Variants in CCDC51 observed in about 807,000 individuals in gnomAD.
CCDC51 encodes the protein mitochondrial potassium channel.
A neutral mutation model predicts 24.8 loss-of-function variants in CCDC51; 25 were observed. The ratio of observed to expected loss-of-function variants is 1.01; its 90% CI spans 0.73 to 1.41. The LOEUF is 1.41. CCDC51 is among the 40% of genes most tolerant of loss of function. The probability of loss-of-function intolerance (pLI) is 0.00; values close to 1 mark genes in which losing one functional copy is unlikely to be tolerated. For missense variants in CCDC51, 466 were observed against 519.1 expected (o/e 0.90, Z 0.99); for synonymous variants, 190 against 204.3 (o/e 0.93, Z 0.60).
At chr3:48,439,719 T>C (rs2039495204) in intron 1 of CCDC51, among the ~76,000 whole-genome samples, 1 of 152,210 alleles carries the variant, frequency 6.6e-6, no homozygotes, top group South Asian at 2.1e-4. Flanking sequence ...AGTTTTACTA[T>C]ATTAACAGAG....
In CCDC51 at chr3:48,433,953, C is replaced by T; in HGVS notation, c.313-82G>A. On this transcript the variant is annotated intron_variant, in intron 2 of 3. Coordinates refer to ENST00000395694, the MANE Select transcript of CCDC51 (RefSeq NM_001256964.2). This position sits in a 1 kb window ranked among gnomAD's most constrained non-coding sequence, Gnocchi z 4.4. Reference sequence around the variant, plus strand: ...AGCTGCATTCCCAGCAAGGCATTCCCAGAAGAGGTCACTGGGGTGTGAGCT... The same window carrying T: ...AGCTGCATTCCCAGCAAGGCATTCCTAGAAGAGGTCACTGGGGTGTGAGCT... 2 of 1,538,030 alleles carry T rather than the reference C, an allele frequency of 1.3e-6. No individual in the cohort carries two copies. Among genetic ancestry groups the T allele is most frequent in the Admixed American group, 1.9e-5 (1 of 51,650 alleles).
At chr3:48,439,567 G>A (rs1322502507) in intron 1 of CCDC51, among the ~76,000 whole-genome samples, 1 of 152,090 alleles carries the variant, frequency 6.6e-6, no homozygotes, top group Admixed American at 6.6e-5. Flanking sequence ...AGGAAGCAGA[G>A]GTTGCAGTGA....
chr3:48,441,010 TTTTTGTTTTG>T (rs747987196), upstream of CCDC51: 42 of 270,172 alleles, frequency 1.6e-4, 1 homozygote, highest in East Asian at 3.1e-3. Flanking sequence ...CTTAGAAGTT[TTTTTGTTTTG>T]TTTTGTTTTG....
chr3:48,432,320 C>T lies in CCDC51; in HGVS notation c.*88G>A. The T allele has an allele frequency of 6.6e-7, 1 of 1,517,966 alleles. No individual in the cohort carries two copies. Among genetic ancestry groups the T allele is most frequent in the Non-Finnish European group, 9.0e-7 (1 of 1,115,540 alleles). The allele number at this position is 1,517,966 out of a possible 1,614,324, so 94.0% of individuals were successfully genotyped here. On this transcript the variant is annotated 3_prime_UTR_variant, in exon 4 of 4. Transcript: ENST00000395694. ...CCTTCAGATTGAGGTTGTACATGCC[C>T]CCAAAGGCTCGCTTCATTGCTACGA...
At position 48,434,834 on chromosome 3, in the gene CCDC51, G is replaced by C. The variant is rs1183543473; in HGVS notation, c.295C>G (p.Gln99Glu). The stretch of plus-strand genomic sequence containing the variant: ...CTCCTCACCTCTGTCACCTTTCCCT[G>C]GGCCTCTCGAACCTCGTTGAGTCCA... The part of the protein sequence containing the change: ...FVGLNEVREA[Q>E]GKVTEAEKVF... Residue 99 changes from glutamine to glutamate, a missense_variant, in exon 2 of 4, where the codon CAG becomes GAG. By Grantham distance (29) the Gln-to-Glu change is conservative. Coordinates refer to ENST00000395694, the MANE Select transcript of CCDC51 (RefSeq NM_001256964.2). 1.2e-6 allele frequency: 2 copies of C among 1,604,400 alleles called. No homozygotes were observed. Among genetic ancestry groups the C allele is most frequent in the Non-Finnish European group, 1.7e-6 (2 of 1,173,752 alleles).
chr3:48,432,206 G>C lies in CCDC51; in HGVS notation c.*202C>G. ...AATAAAACTCAGGATATTTTAATTG[G>C]ACATTAGCACAAAGTTTTGATAATT... On this transcript the variant is annotated 3_prime_UTR_variant, in exon 4 of 4. Transcript: ENST00000395694. The C allele has an allele frequency of 3.5e-6, 2 of 575,240 alleles. No homozygotes were observed. Among genetic ancestry groups the C allele is most frequent in the South Asian group, 5.0e-5 (2 of 40,288 alleles). 35.6% of individuals were successfully genotyped at this position (575,240 alleles called of 1,614,324 possible).
rs1163979406 is a variant in CCDC51, at chr3:48,433,205, C to A, written c.478-39G>T. The A allele has an allele frequency of 1.9e-6, 3 of 1,587,864 alleles. No homozygotes were observed. Among genetic ancestry groups the A allele is most frequent in the African/African-American group, 1.3e-5 (1 of 74,484 alleles). On this transcript the variant is annotated intron_variant, in intron 3 of 3. Coordinates refer to ENST00000395694, the MANE Select transcript of CCDC51 (RefSeq NM_001256964.2). The surrounding 1 kb of genome is among the most constrained non-coding windows in gnomAD (Gnocchi z 4.4). ...GCCATGTTATTGGATTACATGGGCACAAGGTGGCCCTGCAGCTATAGCCAC... is the reference window on the plus strand; with the variant it reads ...GCCATGTTATTGGATTACATGGGCAAAAGGTGGCCCTGCAGCTATAGCCAC...
upstream of CCDC51, chr3:48,440,310 A>C (rs773665734): frequency 2.5e-6 from 4 of 1,608,416 alleles, no homozygotes; most frequent in Admixed American, 6.7e-5. Context: ...TCCGGCCGCG[A>C]AGGTAAGTGT....
Position 48,432,784 on chromosome 3 carries a change from C to G in CCDC51, c.860G>C (p.Gly287Ala), listed in dbSNP as rs759067733. ...ATCTCTGTCTCTGGTCGGGGGACTA[C>G]CTGCCTGTGACCCAGAGTCCTGCCC... ...GPGQDSGSQAGSPPTRDRDVD... is the reference protein window; with the variant it reads ...GPGQDSGSQAASPPTRDRDVD... Residue 287 changes from glycine (G) to alanine (A), a missense_variant, in exon 4 of 4, where the codon GGT becomes GCT. Coordinates refer to ENST00000395694, the MANE Select transcript of CCDC51 (RefSeq NM_001256964.2). 5.6e-6 allele frequency: 9 copies of G among 1,614,060 alleles called. No individual in the cohort carries two copies. The highest frequency in any genetic ancestry group is 6.8e-6 in the Non-Finnish European group (8 of 1,180,058).
upstream of CCDC51, among the ~76,000 whole-genome samples, chr3:48,442,949 T>A (rs1235765295): frequency 6.6e-6 from 1 of 151,922 alleles, no homozygotes; most frequent in Non-Finnish European, 1.5e-5. Flanking sequence ...ACAATAAGAC[T>A]TCTTTTTTGG....
At chr3:48,438,974 C>T (rs1383258923) in intron 1 of CCDC51, among the ~76,000 whole-genome samples, 1 of 152,160 alleles carries the variant, frequency 6.6e-6, no homozygotes, top group Admixed American at 6.5e-5. Flanking sequence ...TGCTGGAACG[C>T]ACCAAGTTGT....
chr3:48,441,551 T>A (rs562168033), upstream of CCDC51, among the ~76,000 whole-genome samples: 3 of 152,280 alleles, frequency 2.0e-5, no homozygotes, highest in African/African-American at 7.2e-5. Flanking sequence ...CTGAGTCTTT[T>A]TACTTCTGGG....
Position 48,440,099 on chromosome 3 carries a change from G to T in CCDC51, c.-120C>A, listed in dbSNP as rs1226694112. The T allele has an allele frequency of 4.7e-6, 4 of 846,698 alleles. No individual in the cohort carries two copies. Among genetic ancestry groups the T allele is most frequent in the Non-Finnish European group, 7.1e-6 (4 of 564,020 alleles). 52.4% of individuals were successfully genotyped at this position (846,698 alleles called of 1,614,324 possible). ...GGACAACCCTAGCTCCTCGTACCTG[G>T]CGTGGCCCGACCAATCGTCTGCCAC... On this transcript the variant is annotated 5_prime_UTR_variant, in exon 1 of 4. Coordinates refer to ENST00000395694, the MANE Select transcript of CCDC51 (RefSeq NM_001256964.2).
At chr3:48,440,534 T>A (rs1236041039), upstream of CCDC51, 4 of 1,610,278 alleles carry the variant, frequency 2.5e-6, no homozygotes, top group Non-Finnish European at 3.4e-6. Context: ...GCTCTGCCTC[T>A]CCCCAGGAAG....
Position 48,435,829 on chromosome 3 carries a change from G to T in CCDC51, c.-8-693C>A, listed in dbSNP as rs757100005. On this transcript the variant is annotated intron_variant, in intron 1 of 3. Transcript: ENST00000395694. This position sits in a 1 kb window ranked among gnomAD's most constrained non-coding sequence, Gnocchi z 4.2. ...CACAGAGGACTTTTCTTAGGTTCACGCCATACAACTCCGCCCCCAGACTTT... is the reference window on the plus strand; with the variant it reads ...CACAGAGGACTTTTCTTAGGTTCACTCCATACAACTCCGCCCCCAGACTTT... 6.6e-6 allele frequency among the ~76,000 whole-genome samples: 1 copy of T among 151,786 alleles called. No homozygotes were observed. Among genetic ancestry groups the T allele is most frequent in the Non-Finnish European group, 1.5e-5 (1 of 67,988 alleles).
chr3:48,440,786 G>A, upstream of CCDC51: 1 of 687,238 alleles, frequency 1.5e-6, no homozygotes, highest in South Asian at 1.9e-5. Flanking sequence ...AGGATTTGCA[G>A]CGGCAGTAAG....
chr3:48,434,178 C>T (rs1334862752), intron 2 of CCDC51, among the ~76,000 whole-genome samples: 2 of 152,172 alleles, frequency 1.3e-5, no homozygotes, highest in Non-Finnish European at 2.9e-5. Context: ...GGCTGTTTCC[C>T]GTGTGTTGCC....
chr3:48,437,500 C>T lies in CCDC51; in HGVS notation c.-8-2364G>A, dbSNP rs142055635. Among the ~76,000 whole-genome samples, 398 of 152,156 alleles carry T rather than the reference C, an allele frequency of 2.6e-3. No homozygotes were observed. The highest frequency in any genetic ancestry group is 4.9e-3 in the Non-Finnish European group (333 of 67,998). On this transcript the variant is annotated intron_variant, in intron 1 of 3. Coordinates refer to ENST00000395694, the MANE Select transcript of CCDC51 (RefSeq NM_001256964.2). This position sits in a 1 kb window ranked among gnomAD's most constrained non-coding sequence, Gnocchi z 4.2. ...AAAGGTGGAAAGTGCTTGAGGTCGC[C>T]CAAAACCTGAAAGGCAGTCAGTGCA...
chr3:48,445,822 C>T, the CCDC51 span, among the ~76,000 whole-genome samples: 24 of 152,178 alleles, frequency 1.6e-4, no homozygotes, highest in Non-Finnish European at 3.1e-4. Flanking sequence ...GCTCCTGTTA[C>T]TCTCCATTGC....
Sources: gnomAD v4.1 joint callset for allele counts (sites outside exome capture counted in the v4.1 genomes callset) on GRCh38, gnomAD v4.1.1 for gene constraint, Gnocchi (gnomAD v3.1) non-coding constraint, MANE v1.5 for transcripts, NCBI Gene and HGNC (gene_info 2026-07-23, HGNC 2026-07-21) for gene names.